TENM3: variants seen among roughly 807,000 people sequenced by gnomAD.
TENM3 encodes the protein teneurin transmembrane protein 3, also known as teneurin-3.
In TENM3, 63 loss-of-function variants were observed where a neutral mutation model predicts 255.1. The observed-to-expected ratio is 0.25, with a 90% CI of 0.20 to 0.30. The LOEUF (loss-of-function observed/expected upper bound fraction) is 0.30, where lower values mean the gene tolerates loss of function less well. Among genes scored for constraint, TENM3 ranks in the 10% least tolerant of loss-of-function variants. TENM3 has a pLI of 1.00. For synonymous variants in TENM3, 1,306 were observed against 1,322.3 expected, an observed-to-expected ratio of 0.99 and a Z score of 0.27; for missense variants, 2,929 against 3,461.1, an observed-to-expected ratio of 0.85 and a Z score of 3.86.
chr4:182,210,177 G>C (rs903226820), intron 1 of TENM3, among the ~76,000 whole-genome samples: 1 of 152,148 alleles, frequency 6.6e-6, no homozygotes, highest in South Asian at 2.1e-4. Flanking sequence ...GCGGATGGAC[G>C]GTCACACCGA....
chr4:182,323,871 A>G, intron 1 of TENM3, 75 bp from the exon 2 acceptor site: 2 of 628,692 alleles, frequency 3.2e-6, no homozygotes, highest in South Asian at 2.0e-5. Flanking sequence ...ACCATCCCAG[A>G]TTGAGAAGGG....
intron 3 of TENM3, among the ~76,000 whole-genome samples, chr4:182,377,610 G>A (rs1767265529): frequency 6.6e-6 from 1 of 152,056 alleles, no homozygotes; most frequent in Non-Finnish European, 1.5e-5. Context: ...CACCACGCCC[G>A]GCTCCACAAT....
intron 3 of TENM3, among the ~76,000 whole-genome samples, chr4:182,527,061 T>C (rs1193191057): frequency 2.0e-5 from 3 of 152,162 alleles, no homozygotes; most frequent in African/African-American, 7.2e-5. Context: ...ATTATATTGT[T>C]TTTCTTTAGA....
In TENM3 at chr4:182,512,761, CT is replaced by C. The variant is rs531213383; in HGVS notation, c.512-88162del. ...TAATCTGGGGCAAATGACTTAATCC[CT>C]CTGAGCCTCCCTCTCCTAATGTGTA... On this transcript the variant is annotated intron_variant, in intron 3 of 27. Coordinates refer to ENST00000511685, the MANE Select transcript of TENM3 (RefSeq NM_001080477.4). 1.8e-3 allele frequency among the ~76,000 whole-genome samples: 269 copies of C among 152,278 alleles called. 2 individuals are homozygous for C. Among genetic ancestry groups the C allele is most frequent in the Admixed American group, 9.9e-3 (152 of 15,296 alleles).
At chr4:182,595,154 G>C (rs7673248) in intron 3 of TENM3, among the ~76,000 whole-genome samples, 50,530 of 151,970 alleles carry the variant, frequency 0.33, 9,735 homozygotes, top group East Asian at 0.47. Context: ...AAGTAAATAT[G>C]CCATATTCAT....
At chr4:182,293,519 C>T (rs954031911) in intron 1 of TENM3, among the ~76,000 whole-genome samples, 1 of 152,052 alleles carries the variant, frequency 6.6e-6, no homozygotes. Context: ...TCAAAGTTGG[C>T]GAGACCTAAT....
intron 20 of TENM3, among the ~76,000 whole-genome samples, chr4:182,752,725 G>A (rs1381247346): frequency 1.3e-5 from 2 of 151,998 alleles, no homozygotes; most frequent in Admixed American, 6.6e-5. Flanking sequence ...TCATTGTAAC[G>A]GGGTCAACAA....
the TENM3 span, among the ~76,000 whole-genome samples, chr4:181,598,547 G>A: frequency 2.6e-5 from 4 of 151,888 alleles, 1 homozygote; most frequent in South Asian, 8.3e-4. Flanking sequence ...GATTTAATGG[G>A]ACACAATGAA....
chr4:181,914,604 G>A, the TENM3 span, among the ~76,000 whole-genome samples: 4 of 152,126 alleles, frequency 2.6e-5, no homozygotes, highest in Non-Finnish European at 4.4e-5. Context: ...TGCATAAAAT[G>A]GCTGCTAAAA....
chr4:182,569,941 G>C (rs1319604203), intron 3 of TENM3, among the ~76,000 whole-genome samples: 1 of 152,180 alleles, frequency 6.6e-6, no homozygotes, highest in Non-Finnish European at 1.5e-5. Context: ...GAATGTGCAG[G>C]TAGGATATAT....
chr4:181,736,019 C>T, the TENM3 span, among the ~76,000 whole-genome samples: 3 of 152,190 alleles, frequency 2.0e-5, no homozygotes, highest in East Asian at 1.9e-4. Flanking sequence ...AAATTTTGGC[C>T]GGGCATGGTG....
the TENM3 span, among the ~76,000 whole-genome samples, chr4:181,777,266 T>C: frequency 6.6e-6 from 1 of 152,182 alleles, no homozygotes; most frequent in African/African-American, 2.4e-5. Context: ...TCCATTGGTC[T>C]ATGTGTCTGT....
At chr4:181,547,171 G>C in the TENM3 span, among the ~76,000 whole-genome samples, 2 of 152,038 alleles carry the variant, frequency 1.3e-5, no homozygotes, top group East Asian at 3.9e-4. Context: ...AGAGAAAAGA[G>C]AAAAAGTACA....
At chr4:182,371,324 GATA>G (rs1196122535) in intron 3 of TENM3, among the ~76,000 whole-genome samples, 1 of 151,262 alleles carries the variant, frequency 6.6e-6, no homozygotes, top group East Asian at 1.9e-4. Context: ...CCTTTTTAAT[GATA>G]ATAACACCCT....
At chr4:182,260,769 CATATA>C (rs1758727630) in intron 1 of TENM3, among the ~76,000 whole-genome samples, 1 of 152,140 alleles carries the variant, frequency 6.6e-6, no homozygotes, top group African/African-American at 2.4e-5. Context: ...ATACTGAACT[CATATA>C]ATACTGACAA....
the TENM3 span, among the ~76,000 whole-genome samples, chr4:181,735,033 C>T: frequency 2.0e-5 from 3 of 152,042 alleles, no homozygotes; most frequent in Non-Finnish European, 2.9e-5. Flanking sequence ...GAGGTGTGCT[C>T]ATATGCCCAC....
chr4:181,845,987 G>A, the TENM3 span, among the ~76,000 whole-genome samples: 2 of 151,998 alleles, frequency 1.3e-5, no homozygotes, highest in East Asian at 1.9e-4. Flanking sequence ...TCCTATTTAC[G>A]CTAAGGTTCT....
At chr4:182,617,101 T>C (rs1356439775) in intron 4 of TENM3, among the ~76,000 whole-genome samples, 1 of 152,230 alleles carries the variant, frequency 6.6e-6, no homozygotes, top group Non-Finnish European at 1.5e-5. Flanking sequence ...AAACAGATTT[T>C]AAGCATTCAC....
chr4:181,533,464 A>T, the TENM3 span, among the ~76,000 whole-genome samples: 2 of 152,090 alleles, frequency 1.3e-5, no homozygotes, highest in African/African-American at 4.8e-5. Flanking sequence ...CAACAACAAC[A>T]TGTGTTTCCA....
Sources: gnomAD v4.1 joint callset for allele counts (sites outside exome capture counted in the v4.1 genomes callset) on GRCh38, gnomAD v4.1.1 for gene constraint, MANE v1.5 for transcripts, NCBI Gene and HGNC (gene_info 2026-07-23, HGNC 2026-07-21) for gene names.